Variants in TNR observed in about 807,000 individuals in gnomAD.
The protein encoded by TNR is tenascin R, also known as tenascin-R.
A neutral mutation model predicts 150.4 loss-of-function variants in TNR; 45 were observed. That is an observed-to-expected ratio of 0.30 (90% confidence interval 0.24 to 0.38). The LOEUF (loss-of-function observed/expected upper bound fraction) is 0.38, where lower values mean the gene tolerates loss of function less well. TNR is among the 10% of genes least tolerant of loss of function. The pLI, the probability that TNR is intolerant of heterozygous loss-of-function variation, is 1.00. For synonymous variants in TNR, 687 were observed against 678.4 expected (o/e 1.01, Z -0.20); for missense variants, 1,544 against 1,759.1 (o/e 0.88, Z 2.19).
At chr1:175,335,619 G>A (rs1008725365) in intron 20 of TNR, 92 bp downstream of exon 20, 60 of 1,261,690 alleles carry the variant, frequency 4.8e-5, no homozygotes, top group Non-Finnish European at 6.1e-5. Context: ...ACAAACACAG[G>A]GTTTCTGATA....
Position 175,406,574 on chromosome 1 carries a change from C to T in TNR, c.141G>A (p.Glu47=). 2 of 1,614,230 alleles carry T rather than the reference C, an allele frequency of 1.2e-6. No individual in the cohort carries two copies. Among genetic ancestry groups the T allele is most frequent in the Non-Finnish European group, 1.7e-6 (2 of 1,180,040 alleles). ...TERVQRQSVE[E]EGGIANYNTS... ...TGTTGTAGTTGGCAATGCCTCCCTCCTCCTCCACTGACTGTCTCTGGACCC... is the reference window on the plus strand; with the variant it reads ...TGTTGTAGTTGGCAATGCCTCCCTCTTCCTCCACTGACTGTCTCTGGACCC... Residue 47 remains glutamate, a synonymous_variant, in exon 3 of 23, where the codon GAG becomes GAA. Transcript: ENST00000367674.
At chr1:175,501,577 G>T (rs1658739016) in intron 2 of TNR, among the ~76,000 whole-genome samples, 1 of 152,186 alleles carries the variant, frequency 6.6e-6, no homozygotes, top group African/African-American at 2.4e-5. Flanking sequence ...GAGAATAAAT[G>T]AGTGTTGTTT....
At chr1:175,559,645 T>A (rs1661339035) in intron 1 of TNR, among the ~76,000 whole-genome samples, 1 of 152,212 alleles carries the variant, frequency 6.6e-6, no homozygotes, top group African/African-American at 2.4e-5. Context: ...TTGTAGGTAT[T>A]CTTACTCAAC....
rs1428655308 is a variant in TNR at position 175,331,038 on chromosome 1, TTTC to T, written c.3632-806_3632-804del. On this transcript the variant is annotated intron_variant, in intron 20 of 22. Coordinates refer to ENST00000367674, the MANE Select transcript of TNR (RefSeq NM_003285.3). ...CTTTCTTTCTTTCTTTCTTTCTTTC[TTTC>T]TTTCTTTCTTTCTTTCTTTCTTTCT... Among the ~76,000 whole-genome samples, 162 of 66,922 alleles carry T rather than the reference TTTC, an allele frequency of 2.4e-3. 1 individual carries two copies. Among genetic ancestry groups the T allele is most frequent in the African/African-American group, 7.3e-3 (148 of 20,162 alleles). The allele number at this position is 66,922 out of a possible 152,430, so 43.9% of individuals were successfully genotyped here.
chr1:175,654,797 C>A (rs947387767), intron 1 of TNR, among the ~76,000 whole-genome samples: 1 of 143,098 alleles, frequency 7.0e-6, no homozygotes, highest in Non-Finnish European at 1.5e-5. Context: ...CAGCTCACTG[C>A]AAGCTCCACC....
chr1:175,579,890 T>C (rs1251289438), intron 1 of TNR, among the ~76,000 whole-genome samples: 1 of 152,114 alleles, frequency 6.6e-6, no homozygotes, highest in Non-Finnish European at 1.5e-5. Context: ...CCTTTCCCTT[T>C]CAGCGGGGTG....
intron 1 of TNR, among the ~76,000 whole-genome samples, chr1:175,640,791 G>GTATATATATATA (rs59240572): frequency 6.0e-4 from 86 of 143,696 alleles, no homozygotes; most frequent in African/African-American, 2.1e-3. Flanking sequence ...GTGTGTGTGG[G>GTATATATATATA]TATATATATA....
At chr1:175,406,888 G>A (rs1653990583) in intron 2 of TNR, 111 bp from the exon 3 acceptor site, 1 of 756,170 alleles carries the variant, frequency 1.3e-6, no homozygotes, top group Non-Finnish European at 2.1e-6. Context: ...TTTCAAGGGG[G>A]GGGCGTCAGG....
At chr1:175,480,386 GAAGA>G (rs200426775) in intron 2 of TNR, among the ~76,000 whole-genome samples, 15,250 of 113,868 alleles carry the variant, frequency 0.13, 1,057 homozygotes, top group Non-Finnish European at 0.19. Flanking sequence ...AAAGGAAAGA[GAAGA>G]AAGAAAGAAA....
intron 2 of TNR, among the ~76,000 whole-genome samples, chr1:175,459,597 G>A (rs1240311520): frequency 6.6e-6 from 1 of 152,166 alleles, no homozygotes; most frequent in Non-Finnish European, 1.5e-5. Context: ...TCTGAACCAA[G>A]GTTCCCACCT....
intron 12 of TNR, 131 bp from the exon 13 acceptor site, chr1:175,363,958 G>A: frequency 1.7e-6 from 2 of 1,145,374 alleles, no homozygotes; most frequent in Non-Finnish European, 2.4e-6. Flanking sequence ...CATGTAATAG[G>A]GTATCTTAAA....
chr1:175,559,466 C>T (rs1192334899), intron 1 of TNR, among the ~76,000 whole-genome samples: 1 of 151,950 alleles, frequency 6.6e-6, no homozygotes, highest in African/African-American at 2.4e-5. Context: ...TGTGTTTTTC[C>T]ACCACATACT....
At chr1:175,333,418 C>T (rs1354476868) in intron 20 of TNR, 1 of 152,214 alleles carries the variant, frequency 6.6e-6, no homozygotes, top group African/African-American at 2.4e-5. Context: ...ATGGGTATTA[C>T]ACTTGTCTCC....
At chr1:175,417,055 G>GAAAGAAAGAAAGAA (rs1654515699) in intron 2 of TNR, among the ~76,000 whole-genome samples, 2 of 103,812 alleles carry the variant, frequency 1.9e-5, no homozygotes, top group African/African-American at 6.7e-5. Context: ...AAGAAAGAAA[G>GAAAGAAAGAAAGAA]AAAGAAAGAA....
chr1:175,477,657 G>A (rs1048146334), intron 2 of TNR, among the ~76,000 whole-genome samples: 9 of 152,230 alleles, frequency 5.9e-5, no homozygotes, highest in South Asian at 4.1e-4. Context: ...GCTTGGGAAT[G>A]AGGGCAGGCC....
rs936498249 is a variant in TNR at position 175,317,388 on chromosome 1, T to C, written c.*5969A>G. On this transcript the variant is annotated 3_prime_UTR_variant, in exon 23 of 23. Coordinates refer to ENST00000367674, the MANE Select transcript of TNR (RefSeq NM_003285.3). ...TAGATGATCTTGAGTCCCATCCAGCTCTGAAAGTGTATTTCCAACATTTGC... is the reference window on the plus strand; with the variant it reads ...TAGATGATCTTGAGTCCCATCCAGCCCTGAAAGTGTATTTCCAACATTTGC... 4 of 152,242 alleles carry C rather than the reference T, an allele frequency of 2.6e-5. No individual in the cohort carries two copies. Among genetic ancestry groups the C allele is most frequent in the Non-Finnish European group, 5.9e-5 (4 of 68,048 alleles). 9.4% of individuals were successfully genotyped at this position (152,242 alleles called of 1,614,324 possible). A position where few individuals can be genotyped will look rare whatever the true frequency, so the allele number is the denominator to read the frequency against.
At chr1:175,544,269 C>T (rs1472247503) in intron 1 of TNR, among the ~76,000 whole-genome samples, 1 of 152,162 alleles carries the variant, frequency 6.6e-6, no homozygotes, top group African/African-American at 2.4e-5. Flanking sequence ...TAGAGAATAA[C>T]TGATGGCTAA....
intron 1 of TNR, among the ~76,000 whole-genome samples, chr1:175,720,756 G>A (rs1192895284): frequency 2.0e-5 from 3 of 152,354 alleles, no homozygotes; most frequent in Middle Eastern, 3.4e-3. Context: ...GCCCAGTGGA[G>A]GAAGGAGGAT....
intron 1 of TNR, among the ~76,000 whole-genome samples, chr1:175,587,670 A>T (rs1662628159): frequency 6.6e-6 from 1 of 151,670 alleles, no homozygotes; most frequent in Non-Finnish European, 1.5e-5. Context: ...CATGGACTTT[A>T]AAAAAAAATC....
Sources: gnomAD v4.1 joint callset for allele counts (sites outside exome capture counted in the v4.1 genomes callset) on GRCh38, gnomAD v4.1.1 for gene constraint, MANE v1.5 for transcripts, NCBI Gene and HGNC (gene_info 2026-07-23, HGNC 2026-07-21) for gene names.